SRRM2: variants seen among roughly 807,000 people sequenced by gnomAD.
SRRM2 encodes the protein serine/arginine repetitive matrix protein 2.
A neutral mutation model predicts 213.8 loss-of-function variants in SRRM2; 30 were observed. That is an observed-to-expected ratio of 0.14 (90% confidence interval 0.10 to 0.19). The LOEUF is 0.19. Among genes scored for constraint, SRRM2 ranks in the 10% least tolerant of loss-of-function variants. SRRM2 has a pLI of 1.00. For missense variants in SRRM2, 4,904 were observed against 3,647.0 expected (o/e 1.34, Z -8.88); for synonymous variants, 2,025 against 1,377.7 (o/e 1.47, Z -10.40).
chr16:2,768,246 A>C lies in SRRM2; in HGVS notation c.7718A>C (p.Glu2573Ala). 1 of 1,551,820 alleles carries C rather than the reference A, an allele frequency of 6.4e-7. No homozygotes were observed. The highest frequency in any genetic ancestry group is 8.7e-7 in the Non-Finnish European group (1 of 1,149,554). Residue 2573 changes from glutamate (E) to alanine (A), a missense_variant, in exon 11 of 15, where the codon GAG becomes GCG. By Grantham distance (107) the Glu-to-Ala change is moderately radical. Transcript: ENST00000301740. ...GGCTCTAGCCTTCCTGTGCAACCTGAGGTGGCACTGAAGAGGTGAGGGAGC... is the reference window on the plus strand; with the variant it reads ...GGCTCTAGCCTTCCTGTGCAACCTGCGGTGGCACTGAAGAGGTGAGGGAGC... ...SEGSSLPVQP[E>A]VALKRVPSPT...
chr16:2,763,446 C>G lies in SRRM2; in HGVS notation c.2918C>G (p.Ser973Cys), dbSNP rs764348806. The change falls in exon 11 of 15, where the codon TCC becomes TGC. Residue 973 changes from serine (S) to cysteine (C), a missense_variant. Coordinates refer to ENST00000301740, the MANE Select transcript of SRRM2 (RefSeq NM_016333.4). The part of the protein sequence containing the change: ...LLPRYSHSGS[S>C]SPDTKVKPET... The stretch of plus-strand genomic sequence containing the variant: ...CCAAGATACAGTCATTCTGGGTCCT[C>G]CTCACCAGATACCAAAGTGAAACCT... 6.2e-7 allele frequency: 1 copy of G among 1,614,202 alleles called. No homozygotes were observed. Among genetic ancestry groups the G allele is most frequent in the Admixed American group, 1.7e-5 (1 of 60,026 alleles).
At position 2,767,001 on chromosome 16, in the gene SRRM2, A is replaced by G. The variant is rs769037074; in HGVS notation, c.6473A>G (p.Asp2158Gly). Residue 2158 changes from aspartate to glycine, a missense_variant, in exon 11 of 15, where the codon GAT becomes GGT. Transcript: ENST00000301740. ...VLQQAGGSMM[D>G]GPGPRIPDHQ... ...CAGCAAGCCGGCGGCTCCATGATGG[A>G]TGGTCCAGGTCCCCGAATACCTGAC... 6.2e-7 allele frequency: 1 copy of G among 1,614,064 alleles called. No individual in the cohort carries two copies. The highest frequency in any genetic ancestry group is 8.5e-7 in the Non-Finnish European group (1 of 1,180,016).
At chr16:2,757,346 G>T in intron 2 of SRRM2, 126 bp from the exon 3 acceptor site, 1 of 696,368 alleles carries the variant, frequency 1.4e-6, no homozygotes, top group East Asian at 2.6e-5. Flanking sequence ...AGGGACTTTT[G>T]GGTGAGCGAA....
At chr16:2,755,092 T>A (rs2068093711) in intron 1 of SRRM2, among the ~76,000 whole-genome samples, 1 of 152,254 alleles carries the variant, frequency 6.6e-6, no homozygotes, top group Non-Finnish European at 1.5e-5. Flanking sequence ...TTAGTAGTAT[T>A]TTCTCATATA....
chr16:2,766,529 G>A lies in SRRM2; in HGVS notation c.6001G>A (p.Val2001Ile). 4 of 1,613,636 alleles carry A rather than the reference G, an allele frequency of 2.5e-6. No homozygotes were observed. Among genetic ancestry groups the A allele is most frequent in the Non-Finnish European group, 3.4e-6 (4 of 1,179,866 alleles). The change falls in exon 11 of 15, where the codon GTA becomes ATA. Residue 2001 changes from valine to isoleucine, a missense_variant. Val to Ile is a conservative substitution (Grantham distance 29, BLOSUM62 3). Coordinates refer to ENST00000301740, the MANE Select transcript of SRRM2 (RefSeq NM_016333.4). This position sits in a 1 kb window ranked among gnomAD's most constrained non-coding sequence, Gnocchi z 7.0. ...RRRSRSRTSP[V>I]TRRRSRSRTS... ...GAGATCTCGATCTCGCACATCTCCA[G>A]TAACTCGAAGAAGGTCCCGCTCTCG...
chr16:2,771,190 G>C lies in SRRM2; in HGVS notation c.*323G>C. The C allele has an allele frequency of 1.6e-6, 1 of 634,314 alleles. No individual in the cohort carries two copies. Among genetic ancestry groups the C allele is most frequent in the South Asian group, 1.9e-5 (1 of 52,554 alleles). The allele number at this position is 634,314 out of a possible 1,614,324, so 39.3% of individuals were successfully genotyped here. A position where few individuals can be genotyped will look rare whatever the true frequency, so the allele number is the denominator to read the frequency against. On this transcript the variant is annotated 3_prime_UTR_variant, in exon 15 of 15. Transcript: ENST00000301740. The stretch of plus-strand genomic sequence containing the variant: ...GGAGGCATGGCCCCACTTGTATCCA[G>C]AAGTTCCCAGGGGTGATTGTGATGG...
At position 2,752,652 on chromosome 16, in the gene SRRM2, C is replaced by A; in HGVS notation, c.-226C>A. On this transcript the variant is annotated 5_prime_UTR_variant, in exon 1 of 15. Transcript: ENST00000301740. Reference sequence around the variant, plus strand: ...CGCAGTTAGTCGTGCTGACGTGCAGCGCGGCCCAGGCGGGGTGCGAGTGGC... The same window carrying A: ...CGCAGTTAGTCGTGCTGACGTGCAGAGCGGCCCAGGCGGGGTGCGAGTGGC... 1 of 246,794 alleles carries A rather than the reference C, an allele frequency of 4.1e-6. No individual in the cohort carries two copies. The highest frequency in any genetic ancestry group is 3.0e-5 in the South Asian group (1 of 32,952). 15.3% of individuals were successfully genotyped at this position (246,794 alleles called of 1,614,324 possible).
Position 2,764,922 on chromosome 16 carries a change from G to C in SRRM2, c.4394G>C (p.Gly1465Ala). 6.2e-7 allele frequency: 1 copy of C among 1,614,136 alleles called. No homozygotes were observed. Among genetic ancestry groups the C allele is most frequent in the Non-Finnish European group, 8.5e-7 (1 of 1,180,024 alleles). Residue 1465 changes from glycine (G) to alanine (A), a missense_variant, in exon 11 of 15, where the codon GGA becomes GCA. Coordinates refer to ENST00000301740, the MANE Select transcript of SRRM2 (RefSeq NM_016333.4). ...SRHSLSGSSP[G>A]MKDIPRTPSR... ...CACAGCCTGTCTGGGTCCTCTCCTG[G>C]AATGAAAGATATACCTAGAACGCCA... is the stretch of plus-strand genomic sequence containing the variant.
chr16:2,770,760 T>TG, intron 14 of SRRM2, 43 bp downstream of exon 14: 1 of 1,598,994 alleles, frequency 6.3e-7, no homozygotes, highest in Non-Finnish European at 8.5e-7. Context: ...GGGAGCCAGT[T>TG]GTGGTGGTGG....
At position 2,766,949 on chromosome 16, in the gene SRRM2, A is replaced by C. The variant is rs2068567683; in HGVS notation, c.6421A>C (p.Ser2141Arg). ...RSPGMLEPLG[S>R]SRTPMSVLQQ... ...ACCTGGAATGCTTGAACCCCTTGGC[A>C]GCTCTAGAACACCCATGTCTGTCCT... The change falls in exon 11 of 15, where the codon AGC (serine) becomes CGC (arginine). Residue 2141 changes from serine (S) to arginine (R), a missense_variant. Coordinates refer to ENST00000301740, the MANE Select transcript of SRRM2 (RefSeq NM_016333.4). The surrounding 1 kb of genome is among the most constrained non-coding windows in gnomAD (Gnocchi z 7.0). 6.2e-7 allele frequency: 1 copy of C among 1,613,934 alleles called. No homozygotes were observed. Among genetic ancestry groups the C allele is most frequent in the African/African-American group, 1.3e-5 (1 of 74,908 alleles).
At chr16:2,768,327 G>T in intron 11 of SRRM2, 66 bp downstream of exon 11, 1 of 1,485,902 alleles carries the variant, frequency 6.7e-7, no homozygotes, top group Non-Finnish European at 8.9e-7. Context: ...GGGGAGTGGG[G>T]AGGGAGAAAC....
Position 2,760,284 on chromosome 16 carries a change from T to C in SRRM2, c.834-17T>C. ...CTGATTTCCTTCCTCTCCCACGTCC[T>C]CAATTAACTCCTGCAGGTCTCGAAG... On this transcript the variant is annotated splice_polypyrimidine_tract_variant and intron_variant, in intron 9 of 14. Coordinates refer to ENST00000301740, the MANE Select transcript of SRRM2 (RefSeq NM_016333.4). The C allele has an allele frequency of 1.2e-6, 2 of 1,609,936 alleles. No homozygotes were observed. The highest frequency in any genetic ancestry group is 8.5e-7 in the Non-Finnish European group (1 of 1,178,914).
intron 13 of SRRM2, 21 bp downstream of exon 13, chr16:2,770,486 C>T: frequency 1.3e-6 from 2 of 1,591,218 alleles, no homozygotes; most frequent in Non-Finnish European, 1.7e-6. Context: ...CTGCAGGTGT[C>T]AGCACCCAGC....
rs755412749 is a variant in SRRM2, at chr16:2,769,025, G to A, written c.7762G>A (p.Glu2588Lys). 7 of 1,614,052 alleles carry A rather than the reference G, an allele frequency of 4.3e-6. No homozygotes were observed. The highest frequency in any genetic ancestry group is 8.5e-7 in the Non-Finnish European group (1 of 1,179,998). Residue 2588 changes from glutamate (E) to lysine (K), a missense_variant, in exon 12 of 15, where the codon GAG becomes AAG. Physicochemically the swap from Glu to Lys is moderately conservative, Grantham distance 56. Coordinates refer to ENST00000301740, the MANE Select transcript of SRRM2 (RefSeq NM_016333.4). Reference protein sequence around the residue: ...RVPSPTPAPKEAVREGRPPEP... With the variant: ...RVPSPTPAPKKAVREGRPPEP... ...CCCCAGCCCCACCCCAGCCCCAAAG[G>A]AGGCTGTTCGAGAGGGACGTCCTCC...
In SRRM2 at chr16:2,769,114, A is replaced by G. The variant is rs771504855; in HGVS notation, c.7851A>G (p.Ser2617=). The G allele has an allele frequency of 1.9e-5, 31 of 1,612,980 alleles. No individual in the cohort carries two copies. In the South Asian group the frequency reaches 3.3e-4, roughly 17 times the overall value. Residue 2617 remains serine (S), a synonymous_variant, in exon 12 of 15, where the codon TCA becomes TCG. Transcript: ENST00000301740. ...GTTCCAGTTCCAGCTCCTCCTCTTCATCTTCCTCCTCCTCCTCCTCCTCCT... is the reference window on the plus strand; with the variant it reads ...GTTCCAGTTCCAGCTCCTCCTCTTCGTCTTCCTCCTCCTCCTCCTCCTCCT... ...SSSSSSSSSS[S]SSSSSSSSSS...
Position 2,763,073 on chromosome 16 carries a change from C to T in SRRM2, c.2545C>T (p.Pro849Ser), listed in dbSNP as rs751281496. The T allele has an allele frequency of 5.6e-6, 9 of 1,614,180 alleles. No individual in the cohort carries two copies. The African/African-American group carries it at 9.3e-5, about 17-fold the overall frequency. The change falls in exon 11 of 15, where the codon CCA becomes TCA. Residue 849 changes from proline to serine, a missense_variant. Physicochemically the swap from Pro to Ser is moderately conservative, Grantham distance 74 (BLOSUM62 -1). Coordinates refer to ENST00000301740, the MANE Select transcript of SRRM2 (RefSeq NM_016333.4). ...SPHPKVKSGT[P>S]PRQGSITSPQ... ...TCATCCTAAAGTGAAATCTGGAACA[C>T]CACCGAGGCAAGGGTCCATAACAAG...
chr16:2,768,970 C>G (rs375670752), intron 11 of SRRM2, 27 bp from the exon 12 acceptor site: 3 of 1,610,446 alleles, frequency 1.9e-6, no homozygotes, highest in South Asian at 1.1e-5. Flanking sequence ...CAGCTTGTCT[C>G]CTTGTGACAC....
At position 2,763,797 on chromosome 16, in the gene SRRM2, C is replaced by G. The variant is rs1265025536; in HGVS notation, c.3269C>G (p.Ser1090Cys). 2 of 1,614,184 alleles carry G rather than the reference C, an allele frequency of 1.2e-6. No individual in the cohort carries two copies. Among genetic ancestry groups the G allele is most frequent in the South Asian group, 1.1e-5 (1 of 91,082 alleles). Residue 1090 changes from serine (S) to cysteine (C), a missense_variant, in exon 11 of 15, where the codon TCT becomes TGT. Ser to Cys is a moderately radical substitution (Grantham distance 112, BLOSUM62 -1). Coordinates refer to ENST00000301740, the MANE Select transcript of SRRM2 (RefSeq NM_016333.4). ...GAATCACCATCTCTGCAGAGCAAAT[C>G]TCAAACATCACCTAAGGGAGGTCGG... is the stretch of plus-strand genomic sequence containing the variant. ...HSESPSLQSK[S>C]QTSPKGGRSR...
chr16:2,763,364 ACTC>A lies in SRRM2; in HGVS notation c.2838_2840del (p.Pro947del). The A allele has an allele frequency of 1.2e-6, 2 of 1,613,878 alleles. No homozygotes were observed. Among genetic ancestry groups the A allele is most frequent in the East Asian group, 2.2e-5 (1 of 44,880 alleles). On this transcript the variant is annotated inframe_deletion, in exon 11 of 15. Coordinates refer to ENST00000301740, the MANE Select transcript of SRRM2 (RefSeq NM_016333.4). ...TCCTAGTAGGGTGACGTCGAGAACA[ACTC>A]CACGGCGAAGCAGATCAGTATCTCC...
Sources: gnomAD v4.1 joint callset for allele counts (sites outside exome capture counted in the v4.1 genomes callset) on GRCh38, gnomAD v4.1.1 for gene constraint, Gnocchi (gnomAD v3.1) non-coding constraint, MANE v1.5 for transcripts, NCBI Gene and HGNC (gene_info 2026-07-23, HGNC 2026-07-21) for gene names.